YPEL2: variants seen among roughly 807,000 people sequenced by gnomAD.
YPEL2 encodes yippee like 2.
YPEL2 carries 2 observed loss-of-function variants against 19.1 expected under a neutral mutation model. The ratio of observed to expected loss-of-function variants is 0.10; its 90% CI spans 0.04 to 0.33. The LOEUF is 0.33. YPEL2 is among the 10% of genes least tolerant of loss of function. The probability of loss-of-function intolerance (pLI) is 1.00; values close to 1 mark genes in which losing one functional copy is unlikely to be tolerated. For missense variants in YPEL2, 66 were observed against 140.7 expected, an observed-to-expected ratio of 0.47 and a Z score of 2.68; for synonymous variants, 52 against 50.0, an observed-to-expected ratio of 1.04 and a Z score of -0.17.
intron 2 of YPEL2, among the ~76,000 whole-genome samples, chr17:59,358,057 T>C: frequency 6.6e-6 from 1 of 152,176 alleles, no homozygotes; most frequent in East Asian, 1.9e-4. Context: ...ATGGGTCATC[T>C]CATTCAAGCC....
At chr17:59,360,116 G>T (rs1236833684) in intron 2 of YPEL2, among the ~76,000 whole-genome samples, 6 of 152,134 alleles carry the variant, frequency 3.9e-5, no homozygotes, top group African/African-American at 1.4e-4. Context: ...TTGCACTGTT[G>T]CCCAGGCTGG....
rs2048053814 is a variant in YPEL2, at chr17:59,398,644, C to G, written c.*1454C>G. 1 of 152,166 alleles carries G rather than the reference C, an allele frequency of 6.6e-6. No homozygotes were observed. The highest frequency in any genetic ancestry group is 1.5e-5 in the Non-Finnish European group (1 of 68,040). The allele number at this position is 152,166 out of a possible 1,614,324, so 9.4% of individuals were successfully genotyped here. On this transcript the variant is annotated 3_prime_UTR_variant, in exon 5 of 5. Transcript: ENST00000312655. ...TGAAGTCTGTTCTACAGCAATTCAG[C>G]CATTACACAGTATATGACTGAAACT... is the stretch of plus-strand genomic sequence containing the variant.
intron 2 of YPEL2, among the ~76,000 whole-genome samples, chr17:59,388,000 C>A (rs1372801570): frequency 6.6e-6 from 1 of 152,114 alleles, no homozygotes; most frequent in Non-Finnish European, 1.5e-5. Flanking sequence ...AACGCCAATG[C>A]GGATTAATGA....
chr17:59,393,129 C>T (rs2048016324), intron 4 of YPEL2, among the ~76,000 whole-genome samples: 1 of 152,202 alleles, frequency 6.6e-6, no homozygotes. Flanking sequence ...CTCTGTGTCT[C>T]GGGGCTATTG....
intron 2 of YPEL2, among the ~76,000 whole-genome samples, chr17:59,363,865 C>G (rs1156514237): frequency 1.3e-5 from 2 of 152,180 alleles, no homozygotes; most frequent in African/African-American, 4.8e-5. Flanking sequence ...TGTGGCAAAT[C>G]CCACCCTTTC....
Position 59,398,462 on chromosome 17 carries a change from TCTC to T in YPEL2, c.*1275_*1277del, listed in dbSNP as rs1040554034. ...CCTGAATGTCTTGCATGGAGAGAAA[TCTC>T]CTGTCAGTGTGGTCCAGCAGCAGGG... On this transcript the variant is annotated 3_prime_UTR_variant, in exon 5 of 5. Transcript: ENST00000312655. The T allele has an allele frequency of 2.0e-4, 30 of 152,060 alleles. No individual in the cohort carries two copies. The highest frequency in any genetic ancestry group is 6.8e-4 in the African/African-American group (28 of 41,444). The allele number at this position is 152,060 out of a possible 1,614,324, so 9.4% of individuals were successfully genotyped here.
intron 1 of YPEL2, among the ~76,000 whole-genome samples, chr17:59,334,174 G>C (rs1185145824): frequency 7.2e-5 from 11 of 152,170 alleles, no homozygotes; most frequent in Admixed American, 7.2e-4. Flanking sequence ...GGAGATGTGA[G>C]TAGTGCCGAT....
At chr17:59,360,268 CG>C (rs1555570365) in intron 2 of YPEL2, among the ~76,000 whole-genome samples, 2 of 152,154 alleles carry the variant, frequency 1.3e-5, no homozygotes, top group Non-Finnish European at 2.9e-5. Flanking sequence ...TTAGTAGAGA[CG>C]GGTTTCACCG....
intron 2 of YPEL2, among the ~76,000 whole-genome samples, chr17:59,384,265 A>G (rs1394338924): frequency 1.3e-5 from 2 of 152,204 alleles, no homozygotes; most frequent in Non-Finnish European, 1.5e-5. Context: ...TTTCTTCTGA[A>G]TATCCTCCAT....
chr17:59,333,116 C>T (rs114155720), intron 1 of YPEL2, among the ~76,000 whole-genome samples: 2,039 of 152,362 alleles, frequency 0.013, 42 homozygotes, highest in African/African-American at 0.045. Context: ...TTTCCTGCCT[C>T]TGGGGGCCAC....
In YPEL2 at chr17:59,338,981, C is replaced by T. The variant is rs992214607; in HGVS notation, c.-196+7157C>T. ...ACTGAGGTCTGGAAACCACTGAGGT[C>T]GTGCTTGATCCCTCTGGCAGGAGCT... On this transcript the variant is annotated intron_variant, in intron 1 of 4. Coordinates refer to ENST00000312655, the MANE Select transcript of YPEL2 (RefSeq NM_001005404.4). Among the ~76,000 whole-genome samples, 8 of 152,316 alleles carry T rather than the reference C, an allele frequency of 5.3e-5. No individual in the cohort carries two copies. In the South Asian group the frequency reaches 1.7e-3, roughly 32 times the overall value.
chr17:59,389,150 C>A, intron 3 of YPEL2: 1 of 552,002 alleles, frequency 1.8e-6, no homozygotes. Flanking sequence ...TTCGGTAGAC[C>A]CACTCCACTA....
intron 1 of YPEL2, among the ~76,000 whole-genome samples, chr17:59,332,940 C>A (rs1333491734): frequency 6.6e-6 from 1 of 152,200 alleles, no homozygotes; most frequent in Non-Finnish European, 1.5e-5. Flanking sequence ...TCTTTTCCTC[C>A]CTGCCCTTCC....
intron 2 of YPEL2, among the ~76,000 whole-genome samples, chr17:59,387,280 A>G (rs916144457): frequency 1.3e-5 from 2 of 149,134 alleles, no homozygotes; most frequent in African/African-American, 5.0e-5. Flanking sequence ...AAAAAAAAAA[A>G]GAATTTTGTC....
intron 4 of YPEL2, among the ~76,000 whole-genome samples, chr17:59,394,526 C>T (rs1268649497): frequency 4.1e-5 from 6 of 146,686 alleles, no homozygotes; most frequent in Admixed American, 6.8e-5. Context: ...ACATCCCAGA[C>T]GATGGGCGGC....
At chr17:59,377,518 C>T (rs1283125294) in intron 2 of YPEL2, among the ~76,000 whole-genome samples, 2 of 152,188 alleles carry the variant, frequency 1.3e-5, no homozygotes, top group South Asian at 2.1e-4. Context: ...TCATGGGCAT[C>T]CCCCACTCCA....
chr17:59,361,098 CT>C (rs906945158), intron 2 of YPEL2, among the ~76,000 whole-genome samples: 1 of 152,166 alleles, frequency 6.6e-6, no homozygotes, highest in African/African-American at 2.4e-5. Context: ...TGCCAAAGTG[CT>C]GGGATTACAG....
chr17:59,333,497 A>G (rs1026718746), intron 1 of YPEL2, among the ~76,000 whole-genome samples: 1 of 152,202 alleles, frequency 6.6e-6, no homozygotes, highest in Non-Finnish European at 1.5e-5. Flanking sequence ...TCCCTCTAGG[A>G]GCATGGTTTT....
intron 2 of YPEL2, among the ~76,000 whole-genome samples, chr17:59,383,357 G>A (rs1415668688): frequency 1.3e-5 from 2 of 151,082 alleles, no homozygotes; most frequent in African/African-American, 4.9e-5. Flanking sequence ...GCAGCACTTT[G>A]GGAGGCCAAG....
Sources: allele counts gnomAD v4.1 joint callset (sites outside exome capture counted in the v4.1 genomes callset), GRCh38; gene constraint gnomAD v4.1.1; transcripts MANE v1.5; gene names NCBI Gene and HGNC (gene_info 2026-07-23, HGNC 2026-07-21).